The following EFL1 variants were observed in gnomAD, a reference collection of about 807,000 sequenced individuals.
EFL1 encodes elongation factor-like GTPase 1.
In EFL1, 76 loss-of-function variants were observed where a neutral mutation model predicts 126.7. That is an observed-to-expected ratio of 0.60 (90% CI 0.50 to 0.73). The LOEUF is 0.73. Among genes scored for constraint, EFL1 ranks in the 30% least tolerant of loss-of-function variants. EFL1 has a pLI of 0.00. For missense variants in EFL1, 1,128 were observed against 1,343.2 expected (o/e 0.84, Z 2.50); for synonymous variants, 410 against 448.4 (o/e 0.91, Z 1.08).
rs987049974 is a variant in EFL1, at chr15:82,238,522, C to G, written c.517-1G>C. On this transcript the variant is annotated splice_acceptor_variant, in intron 6 of 19. Transcript: ENST00000268206. LOFTEE classifies it high-confidence loss of function. ...AAAGAGTCCCTGTGAGCGCATTAAT[C>G]TAGGAGAGATGGTGAAATGGCAGAG... The G allele has an allele frequency of 1.2e-6, 2 of 1,605,642 alleles. No homozygotes were observed. Among genetic ancestry groups the G allele is most frequent in the Non-Finnish European group, 1.7e-6 (2 of 1,175,170 alleles).
At chr15:82,209,454 G>A (rs1176012353) in intron 15 of EFL1, among the ~76,000 whole-genome samples, 1 of 152,100 alleles carries the variant, frequency 6.6e-6, no homozygotes, top group Non-Finnish European at 1.5e-5. Flanking sequence ...CTCATGCTGT[G>A]AAAAGAAGAA....
chr15:82,138,806 C>A lies in EFL1; in HGVS notation c.3026G>T (p.Arg1009Leu). 1 of 1,613,730 alleles carries A rather than the reference C, an allele frequency of 6.2e-7. No individual in the cohort carries two copies. Among genetic ancestry groups the A allele is most frequent in the East Asian group, 2.2e-5 (1 of 44,860 alleles). ...VYAVLSKREG[R>L]VLQEEMKEGT... ...TTCTTTCATTTCTTCTTGAAGTACC[C>A]GACCTTCTCTCTTTGACAAGACAGC... Residue 1009 changes from arginine (R) to leucine (L), a missense_variant, in exon 19 of 20, where the codon CGG (arginine) becomes CTG (leucine). This residue lies in a region of EFL1 where 561 missense variants were observed against 641.7 expected (regional missense o/e 0.87). Coordinates refer to ENST00000268206, the MANE Select transcript of EFL1 (RefSeq NM_024580.6).
intron 15 of EFL1, among the ~76,000 whole-genome samples, chr15:82,176,833 T>C (rs1393153100): frequency 6.6e-6 from 1 of 152,156 alleles, no homozygotes; most frequent in Non-Finnish European, 1.5e-5. Flanking sequence ...ATATTCAAAG[T>C]GACAATATTC....
At chr15:82,141,354 C>T (rs2073784309) in intron 18 of EFL1, among the ~76,000 whole-genome samples, 1 of 152,176 alleles carries the variant, frequency 6.6e-6, no homozygotes, top group Admixed American at 6.5e-5. Flanking sequence ...GTAATCTTTA[C>T]TCCCCTATCT....
chr15:82,182,796 G>T (rs1386819263), intron 15 of EFL1, among the ~76,000 whole-genome samples: 1 of 151,774 alleles, frequency 6.6e-6, no homozygotes, highest in Non-Finnish European at 1.5e-5. Flanking sequence ...CTGTACTCCA[G>T]CCTGGGCGAC....
intron 18 of EFL1, among the ~76,000 whole-genome samples, chr15:82,145,611 T>C (rs1427695608): frequency 6.6e-6 from 1 of 151,794 alleles, no homozygotes; most frequent in Non-Finnish European, 1.5e-5. Flanking sequence ...CTGGGTGGAT[T>C]ACCTGAGGTC....
intron 3 of EFL1, among the ~76,000 whole-genome samples, chr15:82,258,169 C>T (rs1356501805): frequency 1.3e-5 from 2 of 152,164 alleles, no homozygotes; most frequent in Non-Finnish European, 2.9e-5. Flanking sequence ...ATTATGGAAA[C>T]GAATATATCT....
chr15:82,132,066 C>A (rs919146333), intron 19 of EFL1, among the ~76,000 whole-genome samples: 1 of 152,072 alleles, frequency 6.6e-6, no homozygotes, highest in African/African-American at 2.4e-5. Flanking sequence ...AATAATCCAC[C>A]CCTTGTGACA....
chr15:82,139,893 T>C (rs932638681), intron 18 of EFL1, among the ~76,000 whole-genome samples: 3 of 152,206 alleles, frequency 2.0e-5, no homozygotes, highest in Non-Finnish European at 4.4e-5. Flanking sequence ...CTTACCTTTA[T>C]TTATTTATTT....
intron 15 of EFL1, 44 bp from the exon 16 acceptor site, chr15:82,164,028 T>A: frequency 6.2e-7 from 1 of 1,601,254 alleles, no homozygotes; most frequent in South Asian, 1.1e-5. Flanking sequence ...GGATGATAAA[T>A]TCTGAATTTA....
intron 15 of EFL1, among the ~76,000 whole-genome samples, chr15:82,198,935 T>C (rs749352196): frequency 3.3e-5 from 5 of 151,928 alleles, no homozygotes; most frequent in African/African-American, 4.8e-5. Context: ...ACCAAACATA[T>C]AGTAAGCACA....
chr15:82,207,336 A>T (rs1174851222), intron 15 of EFL1, among the ~76,000 whole-genome samples: 1 of 150,834 alleles, frequency 6.6e-6, no homozygotes, highest in Admixed American at 6.6e-5. Context: ...TATATAGATA[A>T]CATGTATATA....
At chr15:82,169,516 G>A (rs2074112311) in intron 15 of EFL1, among the ~76,000 whole-genome samples, 1 of 152,052 alleles carries the variant, frequency 6.6e-6, no homozygotes, top group African/African-American at 2.4e-5. Flanking sequence ...TTCCTGACAT[G>A]GACAACTAGG....
chr15:82,228,383 A>G, intron 9 of EFL1, 56 bp from the exon 10 acceptor site: 1 of 1,544,398 alleles, frequency 6.5e-7, no homozygotes, highest in Non-Finnish European at 8.7e-7. Context: ...ATAAACAGGC[A>G]GTGGAACCCA....
intron 16 of EFL1, 48 bp from the exon 17 acceptor site, chr15:82,157,908 C>A (rs751588680): frequency 6.4e-7 from 1 of 1,557,414 alleles, no homozygotes. Flanking sequence ...AGAACTAACA[C>A]AATTCAAAGA....
intron 19 of EFL1, among the ~76,000 whole-genome samples, chr15:82,132,620 A>G (rs1356741631): frequency 7.4e-6 from 1 of 135,820 alleles, no homozygotes; most frequent in African/African-American, 2.8e-5. Context: ...AGCGTCTCGA[A>G]GTGGGAGCCC....
chr15:82,184,056 G>T (rs938209075), intron 15 of EFL1, among the ~76,000 whole-genome samples: 2 of 152,188 alleles, frequency 1.3e-5, no homozygotes, highest in Non-Finnish European at 2.9e-5. Context: ...CTAGATAGTG[G>T]CTAAGAAAAG....
At chr15:82,200,304 G>A (rs903948160) in intron 15 of EFL1, among the ~76,000 whole-genome samples, 14 of 152,134 alleles carry the variant, frequency 9.2e-5, no homozygotes, top group Non-Finnish European at 1.6e-4. Context: ...TAAAAAAGAG[G>A]GAAAGCAGTA....
At chr15:82,249,551 T>C (rs2075002686) in intron 4 of EFL1, among the ~76,000 whole-genome samples, 1 of 152,072 alleles carries the variant, frequency 6.6e-6, no homozygotes, top group African/African-American at 2.4e-5. Context: ...CTCTTCTGTA[T>C]CTGGATTCTA....
Sources: allele counts gnomAD v4.1 joint callset (sites outside exome capture counted in the v4.1 genomes callset), GRCh38; gene constraint gnomAD v4.1.1; regional missense constraint gnomAD v4.1.1; transcripts MANE v1.5; gene names NCBI Gene and HGNC (gene_info 2026-07-23, HGNC 2026-07-21).